The following PARD3B variants were observed in gnomAD, a reference collection of about 807,000 sequenced individuals.
PARD3B encodes partitioning defective 3 homolog B.
Under a neutral mutation model 130.2 loss-of-function variants are expected in PARD3B, and 103 were observed. The ratio of observed to expected loss-of-function variants is 0.79; its 90% CI spans 0.67 to 0.93. PARD3B has a LOEUF of 0.93. Ranked by LOEUF, PARD3B falls within the 40% of genes least tolerant of loss-of-function variation. The pLI is 0.00. For missense variants in PARD3B, 1,609 were observed against 1,499.2 expected, an observed-to-expected ratio of 1.07 and a Z score of -1.21; for synonymous variants, 583 against 553.2, an observed-to-expected ratio of 1.05 and a Z score of -0.76.
intron 2 of PARD3B, among the ~76,000 whole-genome samples, chr2:204,764,570 A>T (rs1380592413): frequency 6.6e-6 from 1 of 152,168 alleles, no homozygotes; most frequent in African/African-American, 2.4e-5. Context: ...CAGTTTTGAT[A>T]GAAGTTTTAC....
At chr2:205,279,078 A>AC (rs1490666410) in intron 16 of PARD3B, among the ~76,000 whole-genome samples, 17 of 149,274 alleles carry the variant, frequency 1.1e-4, no homozygotes, top group South Asian at 2.1e-4. Flanking sequence ...CTCAAAAAAA[A>AC]AAAAAAAAAA....
intron 18 of PARD3B, among the ~76,000 whole-genome samples, chr2:205,310,218 G>A (rs1420726362): frequency 1.3e-5 from 2 of 151,208 alleles, no homozygotes; most frequent in Admixed American, 1.3e-4. Flanking sequence ...CCAAGTAGCT[G>A]GGACTACAGG....
At chr2:205,273,815 A>AT (rs1449878554) in intron 16 of PARD3B, among the ~76,000 whole-genome samples, 1 of 152,158 alleles carries the variant, frequency 6.6e-6, no homozygotes, top group Non-Finnish European at 1.5e-5. Flanking sequence ...GGCCAAATGG[A>AT]TTAATATTTG....
chr2:205,345,415 T>C (rs944743344), intron 18 of PARD3B, among the ~76,000 whole-genome samples: 1 of 152,166 alleles, frequency 6.6e-6, no homozygotes, highest in African/African-American at 2.4e-5. Flanking sequence ...CGAATGAGAA[T>C]TTTATGACCT....
At chr2:204,593,331 G>T (rs2033152859) in intron 1 of PARD3B, among the ~76,000 whole-genome samples, 1 of 152,140 alleles carries the variant, frequency 6.6e-6, no homozygotes, top group Non-Finnish European at 1.5e-5. Context: ...AGAGTGGTGG[G>T]TAGGGGAGGG....
At chr2:204,880,870 A>G (rs146450050) in intron 2 of PARD3B, among the ~76,000 whole-genome samples, 1 of 152,266 alleles carries the variant, frequency 6.6e-6, no homozygotes, top group African/African-American at 2.4e-5. Flanking sequence ...TCCTGCAATT[A>G]TATTAGAACA....
intron 2 of PARD3B, among the ~76,000 whole-genome samples, chr2:204,869,989 T>C (rs1438959815): frequency 6.6e-6 from 1 of 152,342 alleles, no homozygotes; most frequent in South Asian, 2.1e-4. Flanking sequence ...CTGATAGGGC[T>C]GTACCTACTG....
At chr2:205,381,652 G>A (rs893176702) in intron 18 of PARD3B, among the ~76,000 whole-genome samples, 26 of 151,880 alleles carry the variant, frequency 1.7e-4, no homozygotes, top group Admixed American at 8.6e-4. Flanking sequence ...CTTCATGTCC[G>A]TTTCCTTTGA....
intron 2 of PARD3B, among the ~76,000 whole-genome samples, chr2:204,744,316 A>G (rs1029942458): frequency 2.0e-5 from 3 of 152,186 alleles, no homozygotes; most frequent in African/African-American, 4.8e-5. Context: ...ACCTTGTCCC[A>G]TGGCAAGGTC....
rs1369374165 is a variant in PARD3B at position 205,113,594 on chromosome 2, A to C, written c.680+17A>C. Reference sequence around the variant, plus strand: ...GAGTGGAAGGTAAGATGTTTTTCTCATTCCAGAAGCTCATGCTAATGAAAA... The same window carrying C: ...GAGTGGAAGGTAAGATGTTTTTCTCCTTCCAGAAGCTCATGCTAATGAAAA... On this transcript the variant is annotated intron_variant, in intron 6 of 22. Transcript: ENST00000406610. The C allele has an allele frequency of 5.7e-6, 9 of 1,591,782 alleles. No homozygotes were observed. Among genetic ancestry groups the C allele is most frequent in the African/African-American group, 1.3e-5 (1 of 74,290 alleles).
In PARD3B at chr2:205,187,919, C is replaced by G. The variant is rs1202277178; in HGVS notation, c.2024+2056C>G. Among the ~76,000 whole-genome samples the G allele has an allele frequency of 1.3e-5, 2 of 152,206 alleles. No individual in the cohort carries two copies. Among genetic ancestry groups the G allele is most frequent in the African/African-American group, 4.8e-5 (2 of 41,452 alleles). On this transcript the variant is annotated intron_variant, in intron 14 of 22. Coordinates refer to ENST00000406610, the MANE Select transcript of PARD3B (RefSeq NM_001302769.2). This position sits in a 1 kb window ranked among gnomAD's most constrained non-coding sequence, Gnocchi z 4.9. ...TTAGACTTCATTCTTCTTTTCCACT[C>G]TGCAGTATTTGGTTATTAAGTCATT...
chr2:205,536,344 C>T (rs1181066992), intron 21 of PARD3B, among the ~76,000 whole-genome samples: 1 of 152,164 alleles, frequency 6.6e-6, no homozygotes, highest in Non-Finnish European at 1.5e-5. Flanking sequence ...TATTCCTGTT[C>T]TTTCCACAGC....
At chr2:204,939,587 G>A (rs1437673879) in intron 2 of PARD3B, among the ~76,000 whole-genome samples, 12 of 152,050 alleles carry the variant, frequency 7.9e-5, no homozygotes, top group Non-Finnish European at 1.3e-4. Flanking sequence ...AACTTTTTGT[G>A]GTATGTACAT....
At chr2:205,494,935 A>G (rs1417837551) in intron 20 of PARD3B, among the ~76,000 whole-genome samples, 1 of 152,200 alleles carries the variant, frequency 6.6e-6, no homozygotes, top group Non-Finnish European at 1.5e-5. Flanking sequence ...TATGTAAAGC[A>G]CAAATGTTGT....
intron 1 of PARD3B, among the ~76,000 whole-genome samples, chr2:204,612,607 T>C (rs570479918): frequency 5.9e-5 from 9 of 152,354 alleles, no homozygotes; most frequent in African/African-American, 7.2e-5. Context: ...ATTTTGTTAA[T>C]ATGTATTTAT....
intron 1 of PARD3B, among the ~76,000 whole-genome samples, chr2:204,593,618 AC>A (rs1230893999): frequency 7.9e-5 from 12 of 152,280 alleles, no homozygotes; most frequent in South Asian, 4.1e-4. Flanking sequence ...GTTTATGAAT[AC>A]TTTTATTTGG....
intron 3 of PARD3B, among the ~76,000 whole-genome samples, chr2:205,033,967 C>T (rs1260352934): frequency 6.6e-6 from 1 of 152,046 alleles, no homozygotes; most frequent in Non-Finnish European, 1.5e-5. Context: ...TGCTCATTTA[C>T]CATTAAGTTG....
At chr2:205,371,570 A>T (rs1271077485) in intron 18 of PARD3B, among the ~76,000 whole-genome samples, 1 of 152,186 alleles carries the variant, frequency 6.6e-6, no homozygotes, top group Non-Finnish European at 1.5e-5. Context: ...TTCCAGGATT[A>T]TCCTCCAGAG....
intron 18 of PARD3B, among the ~76,000 whole-genome samples, chr2:205,374,427 G>C (rs1421364686): frequency 6.6e-6 from 1 of 151,960 alleles, no homozygotes; most frequent in African/African-American, 2.4e-5. Context: ...AGTAGAAACG[G>C]TTTCGCCATG....
Sources: gnomAD v4.1 joint callset for allele counts (sites outside exome capture counted in the v4.1 genomes callset) on GRCh38, gnomAD v4.1.1 for gene constraint, Gnocchi (gnomAD v3.1) non-coding constraint, MANE v1.5 for transcripts, NCBI Gene and HGNC (gene_info 2026-07-23, HGNC 2026-07-21) for gene names.